The following ATP6V1A variants were observed in gnomAD, a reference collection of about 807,000 sequenced individuals.
The protein encoded by ATP6V1A is V-type proton ATPase catalytic subunit A.
A neutral mutation model predicts 70.1 loss-of-function variants in ATP6V1A; 18 were observed. The observed-to-expected ratio is 0.26, with a 90% CI of 0.18 to 0.38. The LOEUF is 0.38. Ranked by LOEUF, ATP6V1A falls within the 10% of genes least tolerant of loss-of-function variation. The pLI is 1.00. For missense variants in ATP6V1A, 424 were observed against 772.4 expected, an observed-to-expected ratio of 0.55 and a Z score of 5.35; for synonymous variants, 232 against 253.8, an observed-to-expected ratio of 0.91 and a Z score of 0.82.
At chr3:113,750,604 C>T (rs1708574866) in intron 1 of ATP6V1A, among the ~76,000 whole-genome samples, 1 of 152,202 alleles carries the variant, frequency 6.6e-6, no homozygotes, top group South Asian at 2.1e-4. Flanking sequence ...TCTGGCCCTA[C>T]CACTTAATAA....
chr3:113,763,073 C>CT (rs1577081935), intron 1 of ATP6V1A, among the ~76,000 whole-genome samples: 1 of 151,958 alleles, frequency 6.6e-6, no homozygotes, highest in East Asian at 1.9e-4. Context: ...ATTAACATCT[C>CT]TTTCCTTTTT....
At chr3:113,805,570 CT>C (rs1422839294) in intron 14 of ATP6V1A, 45 bp downstream of exon 14, 1 of 1,526,634 alleles carries the variant, frequency 6.6e-7, no homozygotes, top group East Asian at 2.3e-5. Context: ...GGAAATGCTT[CT>C]TTTTTTCTTT....
At position 113,788,984 on chromosome 3, in the gene ATP6V1A, A is replaced by G. The variant is rs113993749; in HGVS notation, c.879+109A>G. The G allele has an allele frequency of 1.1e-4, 105 of 925,962 alleles. No individual in the cohort carries two copies. In the South Asian group the frequency reaches 1.5e-3, roughly 13 times the overall value. The allele number at this position is 925,962 out of a possible 1,614,324, so 57.4% of individuals were successfully genotyped here. ...TCTGGAGCAATGCTGTCATTCGTCA[A>G]GGATCTTTAAGGAATTTTAAAATTA... On this transcript the variant is annotated intron_variant, in intron 7 of 14. Coordinates refer to ENST00000273398, the MANE Select transcript of ATP6V1A (RefSeq NM_001690.4).
intron 10 of ATP6V1A, among the ~76,000 whole-genome samples, chr3:113,795,622 A>T (rs994355246): frequency 2.0e-5 from 3 of 151,896 alleles, no homozygotes; most frequent in African/African-American, 7.2e-5. Context: ...TTATAATAAA[A>T]TATCTATCTC....
In ATP6V1A at chr3:113,786,880, ATCC is replaced by A. The variant is rs374929549; in HGVS notation, c.716+505_716+507del. ...CAACCTCTGCCTCCCAGCTCAAGCA[ATCC>A]TCCTCCTGCCTCACCCTCCTGAGTA... On this transcript the variant is annotated intron_variant, in intron 6 of 14. Transcript: ENST00000273398. Among the ~76,000 whole-genome samples, 35 of 151,818 alleles carry A rather than the reference ATCC, an allele frequency of 2.3e-4. No homozygotes were observed. The East Asian group carries it at 4.1e-3, about 18-fold the overall frequency.
chr3:113,782,747 C>G (rs934464686), intron 3 of ATP6V1A, among the ~76,000 whole-genome samples: 3 of 151,678 alleles, frequency 2.0e-5, no homozygotes, highest in Non-Finnish European at 2.9e-5. Flanking sequence ...CTCAGCCTCC[C>G]AAGTAGCTGG....
chr3:113,757,120 T>C (rs372596829), intron 1 of ATP6V1A, among the ~76,000 whole-genome samples: 2 of 152,302 alleles, frequency 1.3e-5, no homozygotes, highest in South Asian at 4.1e-4. Context: ...TTCAATGTGA[T>C]CCAAAATAGA....
rs574836869 is a variant in ATP6V1A at position 113,809,500 on chromosome 3, C to T, written c.*73C>T. 66 of 1,335,204 alleles carry T rather than the reference C, an allele frequency of 4.9e-5. 2 individuals are homozygous for T. In the South Asian group the frequency reaches 6.6e-4, roughly 13 times the overall value. 82.7% of individuals were successfully genotyped at this position (1,335,204 alleles called of 1,614,324 possible). On this transcript the variant is annotated 3_prime_UTR_variant, in exon 15 of 15. Transcript: ENST00000273398. ...TATGTGTATATTTTCCTGAATTTCT[C>T]ATCTCAAACCCTTTGCTTCTTTATT...
At chr3:113,774,633 G>C (rs1359753611) in intron 1 of ATP6V1A, among the ~76,000 whole-genome samples, 4 of 152,148 alleles carry the variant, frequency 2.6e-5, no homozygotes, top group African/African-American at 9.6e-5. Flanking sequence ...GGCCAACATG[G>C]TGAAACCCTA....
intron 1 of ATP6V1A, among the ~76,000 whole-genome samples, chr3:113,767,306 G>A (rs973269273): frequency 6.6e-6 from 1 of 151,914 alleles, no homozygotes. Flanking sequence ...TGGCCAAGCT[G>A]GTCTCCAACT....
At chr3:113,808,642 C>G (rs1286218338) in intron 14 of ATP6V1A, among the ~76,000 whole-genome samples, 1 of 152,040 alleles carries the variant, frequency 6.6e-6, no homozygotes, top group Admixed American at 6.6e-5. Flanking sequence ...TTTTACTTTT[C>G]CATCCCAGTG....
chr3:113,804,244 C>T (rs1311215295), intron 13 of ATP6V1A, among the ~76,000 whole-genome samples: 3 of 151,946 alleles, frequency 2.0e-5, no homozygotes, highest in Admixed American at 6.6e-5. Flanking sequence ...CCACCCACCT[C>T]GGCCTCCCAA....
intron 1 of ATP6V1A, among the ~76,000 whole-genome samples, chr3:113,759,219 A>G (rs1429642079): frequency 6.7e-6 from 1 of 149,454 alleles, no homozygotes; most frequent in East Asian, 1.9e-4. Flanking sequence ...TCACAAAGGA[A>G]GTTTTATAGT....
intron 13 of ATP6V1A, among the ~76,000 whole-genome samples, chr3:113,805,006 G>C (rs1198353682): frequency 6.6e-6 from 1 of 152,112 alleles, no homozygotes; most frequent in African/African-American, 2.4e-5. Context: ...TTATTTAACT[G>C]CATTGTACAA....
At chr3:113,786,407 A>AT (rs1709040807) in intron 6 of ATP6V1A, 24 bp downstream of exon 6, 1 of 1,611,038 alleles carries the variant, frequency 6.2e-7, no homozygotes, top group African/African-American at 1.3e-5. Context: ...GTGTCCCACG[A>AT]TTTTCCCTCA....
intron 1 of ATP6V1A, among the ~76,000 whole-genome samples, chr3:113,767,818 T>C (rs2108017199): frequency 6.6e-6 from 1 of 152,200 alleles, no homozygotes; most frequent in East Asian, 1.9e-4. Flanking sequence ...GCCCAGCTAA[T>C]GTTTTTGTAT....
intron 1 of ATP6V1A, among the ~76,000 whole-genome samples, chr3:113,748,679 A>G (rs1438562001): frequency 1.3e-5 from 2 of 152,250 alleles, no homozygotes; most frequent in African/African-American, 4.8e-5. Flanking sequence ...TGCAAAATAC[A>G]TAACCTAGCT....
At chr3:113,774,333 T>C (rs1042148149) in intron 1 of ATP6V1A, among the ~76,000 whole-genome samples, 5 of 152,230 alleles carry the variant, frequency 3.3e-5, no homozygotes, top group Non-Finnish European at 5.9e-5. Context: ...TCTTAGCTTA[T>C]ATTAATAGAA....
At chr3:113,778,013 C>T (rs1055901698) in intron 1 of ATP6V1A, among the ~76,000 whole-genome samples, 4 of 152,082 alleles carry the variant, frequency 2.6e-5, no homozygotes, top group Admixed American at 6.6e-5. Flanking sequence ...ATCGATATTT[C>T]CTATGAAATA....
Sources: allele counts gnomAD v4.1 joint callset (sites outside exome capture counted in the v4.1 genomes callset), GRCh38; gene constraint gnomAD v4.1.1; transcripts MANE v1.5; gene names NCBI Gene and HGNC (gene_info 2026-07-23, HGNC 2026-07-21).